The following HIGD1C variants were observed in gnomAD, a reference collection of about 807,000 sequenced individuals.
HIGD1C encodes HIG1 hypoxia inducible domain family member 1C.
In HIGD1C, 11 loss-of-function variants were observed where a neutral mutation model predicts 13.1. That is an observed-to-expected ratio of 0.84 (90% CI 0.53 to 1.39). HIGD1C has a LOEUF of 1.39. HIGD1C is among the 40% of genes most tolerant of loss of function. The probability of loss-of-function intolerance (pLI) is 0.00; values close to 1 mark genes in which losing one functional copy is unlikely to be tolerated. For synonymous variants in HIGD1C, 36 were observed against 37.7 expected (o/e 0.95, Z 0.17); for missense variants, 110 against 112.0 (o/e 0.98, Z 0.08).
intron 1 of HIGD1C, among the ~76,000 whole-genome samples, chr12:50,956,990 A>ATTT (rs71089716): frequency 3.5e-4 from 51 of 143,928 alleles, no homozygotes; most frequent in African/African-American, 1.2e-3. Flanking sequence ...TCATTTTGTT[A>ATTT]TTTTTTTTTT....
the HIGD1C span, among the ~76,000 whole-genome samples, chr12:50,933,493 C>A: frequency 1.3e-5 from 2 of 152,244 alleles, no homozygotes; most frequent in Non-Finnish European, 2.9e-5. Flanking sequence ...AAGCCTCAGG[C>A]ACAGCCTGAA....
chr12:50,969,978 G>T (rs1002086072), intron 2 of HIGD1C, among the ~76,000 whole-genome samples: 1 of 151,944 alleles, frequency 6.6e-6, no homozygotes, highest in Admixed American at 6.6e-5. Flanking sequence ...CATGCCCCAG[G>T]ACTCTGTGGA....
intron 2 of HIGD1C, among the ~76,000 whole-genome samples, chr12:50,965,464 T>G (rs922248256): frequency 6.6e-5 from 10 of 152,094 alleles, no homozygotes; most frequent in Non-Finnish European, 1.5e-4. Context: ...TTTCCTACTA[T>G]AATAGCCCTT....
chr12:50,971,302 G>A (rs978185256), downstream of HIGD1C, among the ~76,000 whole-genome samples: 2 of 152,154 alleles, frequency 1.3e-5, no homozygotes, highest in African/African-American at 4.8e-5. Context: ...GACATCAGAG[G>A]AGAATGGTCA....
chr12:50,955,054 G>C (rs1000302643), intron 1 of HIGD1C, among the ~76,000 whole-genome samples: 1 of 152,156 alleles, frequency 6.6e-6, no homozygotes, highest in African/African-American at 2.4e-5. Flanking sequence ...CACTTTGAGA[G>C]GCCGAGGCAG....
At chr12:50,969,162 C>T (rs1392126169) in intron 2 of HIGD1C, among the ~76,000 whole-genome samples, 2 of 151,324 alleles carry the variant, frequency 1.3e-5, no homozygotes, top group African/African-American at 4.9e-5. Flanking sequence ...GGTGTGGTGG[C>T]GCACACCTAT....
chr12:50,963,387 A>G (rs979208368), intron 2 of HIGD1C, among the ~76,000 whole-genome samples: 3 of 149,526 alleles, frequency 2.0e-5, no homozygotes, highest in Non-Finnish European at 3.0e-5. Context: ...AAAAAAAAAA[A>G]AAAAAAGAAA....
At chr12:50,955,321 C>A (rs900257715) in intron 1 of HIGD1C, among the ~76,000 whole-genome samples, 1 of 152,066 alleles carries the variant, frequency 6.6e-6, no homozygotes, top group African/African-American at 2.4e-5. Context: ...GCCTCTTTAT[C>A]CTTTCCCCAC....
upstream of HIGD1C, among the ~76,000 whole-genome samples, chr12:50,951,587 G>C (rs61577980): frequency 0.17 from 25,413 of 151,928 alleles, 2,490 homozygotes; most frequent in East Asian, 0.5. Flanking sequence ...CGGGAACACA[G>C]GATTAGATTG....
intron 1 of HIGD1C, among the ~76,000 whole-genome samples, chr12:50,958,282 CTTT>C (rs71089718): frequency 3.7e-5 from 5 of 133,898 alleles, no homozygotes; most frequent in Admixed American, 7.5e-5. Flanking sequence ...CTAAAATAAT[CTTT>C]TTTTTTTTTT....
chr12:50,964,252 T>C (rs757092445), intron 2 of HIGD1C, among the ~76,000 whole-genome samples: 15 of 152,222 alleles, frequency 9.9e-5, no homozygotes, highest in Non-Finnish European at 1.9e-4. Context: ...TGGTTATTGC[T>C]AGTATTATAT....
the HIGD1C span, among the ~76,000 whole-genome samples, chr12:50,936,717 A>C: frequency 6.6e-6 from 1 of 152,176 alleles, no homozygotes; most frequent in Non-Finnish European, 1.5e-5. Flanking sequence ...TTCTATGTTC[A>C]ATCCCTTGAC....
At chr12:50,938,565 T>C in the HIGD1C span, among the ~76,000 whole-genome samples, 2 of 152,200 alleles carry the variant, frequency 1.3e-5, no homozygotes, top group Non-Finnish European at 2.9e-5. Flanking sequence ...CCAGCCCCTG[T>C]GGACTCTACA....
chr12:50,958,472 G>C (rs893788195), intron 1 of HIGD1C, among the ~76,000 whole-genome samples: 1 of 150,938 alleles, frequency 6.6e-6, no homozygotes, highest in Non-Finnish European at 1.5e-5. Flanking sequence ...TAGTAGAGAT[G>C]GGGTTTCTCT....
At chr12:50,945,541 C>T in the HIGD1C span, among the ~76,000 whole-genome samples, 212 of 152,026 alleles carry the variant, frequency 1.4e-3, 1 homozygote, top group Non-Finnish European at 2.2e-3. Flanking sequence ...AAGGACCTCT[C>T]CAAGGAGAAC....
chr12:50,960,916 ACG>A lies in HIGD1C; in HGVS notation c.95-51_95-50del, dbSNP rs1413475358. On this transcript the variant is annotated intron_variant, in intron 1 of 2. Transcript: ENST00000398455. Reference sequence around the variant, plus strand: ...GCTGTTTTCAAACTCCTGGTCTCACACGATGCTCCTGCCTCAGCCTTCCAAAT... The same window carrying A: ...GCTGTTTTCAAACTCCTGGTCTCACAATGCTCCTGCCTCAGCCTTCCAAAT... 7 of 1,404,774 alleles carry A rather than the reference ACG, an allele frequency of 5.0e-6. No individual in the cohort carries two copies. In the African/African-American group the frequency reaches 7.4e-5, roughly 15 times the overall value. 87.0% of individuals were successfully genotyped at this position (1,404,774 alleles called of 1,614,324 possible).
upstream of HIGD1C, among the ~76,000 whole-genome samples, chr12:50,952,135 G>GA (rs1273648623): frequency 7.1e-6 from 1 of 140,894 alleles, no homozygotes; most frequent in Non-Finnish European, 1.5e-5. Flanking sequence ...TCTTTAGATT[G>GA]AAAAACAGAA....
At chr12:50,971,799 C>T (rs1037930290), downstream of HIGD1C, among the ~76,000 whole-genome samples, 2 of 152,176 alleles carry the variant, frequency 1.3e-5, no homozygotes, top group Non-Finnish European at 2.9e-5. Flanking sequence ...TGGAGGTTTA[C>T]ACTGACAAGA....
chr12:50,954,727 AAAAC>A (rs1427162810), intron 1 of HIGD1C, among the ~76,000 whole-genome samples: 7 of 152,200 alleles, frequency 4.6e-5, no homozygotes, highest in African/African-American at 1.7e-4. Flanking sequence ...CCCTGTCTCA[AAAAC>A]AAACAAACAA....
Sources: gnomAD v4.1 joint callset for allele counts (sites outside exome capture counted in the v4.1 genomes callset) on GRCh38, gnomAD v4.1.1 for gene constraint, MANE v1.5 for transcripts, NCBI Gene and HGNC (gene_info 2026-07-23, HGNC 2026-07-21) for gene names.